The following KCTD1 variants were observed in gnomAD, a reference collection of about 807,000 sequenced individuals.
The protein encoded by KCTD1 is BTB/POZ domain-containing protein KCTD1.
Under a neutral mutation model 66.0 loss-of-function variants are expected in KCTD1, and 24 were observed. That is an observed-to-expected ratio of 0.36 (90% CI 0.26 to 0.51). The LOEUF (loss-of-function observed/expected upper bound fraction) is 0.51. KCTD1 is among the 20% of genes least tolerant of loss of function. KCTD1 has a pLI of 0.95. For missense variants in KCTD1, 943 were observed against 1,205.2 expected, an observed-to-expected ratio of 0.78 and a Z score of 3.22; for synonymous variants, 511 against 517.2, an observed-to-expected ratio of 0.99 and a Z score of 0.16.
At chr18:26,608,240 T>C (rs573698) in intron 1 of KCTD1, among the ~76,000 whole-genome samples, 86,636 of 152,034 alleles carry the variant, frequency 0.57, 25,089 homozygotes, top group African/African-American at 0.68. Flanking sequence ...CTATTGTCAG[T>C]TTCCTTACAC....
At chr18:26,571,776 A>C (rs1986112907) in intron 1 of KCTD1, among the ~76,000 whole-genome samples, 1 of 152,170 alleles carries the variant, frequency 6.6e-6, no homozygotes, top group Admixed American at 6.5e-5. Flanking sequence ...ACTGGCATTC[A>C]TAGTGTAACC....
chr18:26,501,054 T>C lies in KCTD1; in HGVS notation c.1988+18A>G, dbSNP rs1982734658. Reference sequence around the variant, plus strand: ...ATACATGCACGTCGGAGTCTGATTTTTCAGTTTTTCAGATTACCTGGATTC... The same window carrying C: ...ATACATGCACGTCGGAGTCTGATTTCTCAGTTTTTCAGATTACCTGGATTC... On this transcript the variant is annotated intron_variant, in intron 2 of 4. Transcript: ENST00000580059. The C allele has an allele frequency of 6.2e-7, 1 of 1,609,404 alleles. No individual in the cohort carries two copies. The highest frequency in any genetic ancestry group is 1.7e-5 in the Admixed American group (1 of 59,812).
chr18:26,525,005 A>C (rs1373887684), intron 1 of KCTD1, among the ~76,000 whole-genome samples: 1 of 152,182 alleles, frequency 6.6e-6, no homozygotes, highest in Non-Finnish European at 1.5e-5. Flanking sequence ...AAGAATGCTG[A>C]ATATCAAAAA....
chr18:26,603,942 A>T (rs1209516388), intron 1 of KCTD1, among the ~76,000 whole-genome samples: 1 of 152,056 alleles, frequency 6.6e-6, no homozygotes, highest in Non-Finnish European at 1.5e-5. Flanking sequence ...TGCACACAGA[A>T]AAAAGAAAGC....
At chr18:26,573,448 G>T (rs1168115652) in intron 1 of KCTD1, among the ~76,000 whole-genome samples, 1 of 152,154 alleles carries the variant, frequency 6.6e-6, no homozygotes, top group Non-Finnish European at 1.5e-5. Context: ...AAATCGTGAT[G>T]CTGCCCTACT....
intron 3 of KCTD1, among the ~76,000 whole-genome samples, chr18:26,461,640 T>C (rs898232548): frequency 1.3e-5 from 2 of 152,220 alleles, no homozygotes; most frequent in Admixed American, 1.3e-4. Context: ...CTCTGGGGCT[T>C]TGTCATCTTG....
intron 2 of KCTD1, among the ~76,000 whole-genome samples, chr18:26,491,168 C>T (rs148670557): frequency 6.3e-4 from 96 of 152,168 alleles, no homozygotes; most frequent in African/African-American, 2.0e-3. Context: ...CCTTGAGTGT[C>T]GCACTGGTTG....
At chr18:26,579,511 G>A (rs527400144) in intron 1 of KCTD1, among the ~76,000 whole-genome samples, 5 of 152,054 alleles carry the variant, frequency 3.3e-5, no homozygotes, top group Non-Finnish European at 7.4e-5. Flanking sequence ...TAAAGTTAGG[G>A]TTTTCTGTAC....
chr18:26,632,102 C>A (rs1400939875), upstream of KCTD1, among the ~76,000 whole-genome samples: 1 of 145,564 alleles, frequency 6.9e-6, no homozygotes, highest in Non-Finnish European at 1.5e-5. Flanking sequence ...AATCAACATA[C>A]AGGCCGGTGC....
At chr18:26,599,431 G>A in intron 1 of KCTD1, 1 of 1,611,924 alleles carries the variant, frequency 6.2e-7, no homozygotes, top group East Asian at 2.2e-5. Flanking sequence ...ATCTCTGCTG[G>A]CCAGTTTGTG....
intron 1 of KCTD1, among the ~76,000 whole-genome samples, chr18:26,505,042 T>A (rs1982960937): frequency 6.6e-6 from 1 of 152,226 alleles, no homozygotes; most frequent in Non-Finnish European, 1.5e-5. Flanking sequence ...ACCTCTAGAT[T>A]TCCTGTGACT....
chr18:26,476,783 G>T lies in KCTD1; in HGVS notation c.1989-124C>A. 1.3e-6 allele frequency: 1 copy of T among 776,626 alleles called. No individual in the cohort carries two copies. 48.1% of individuals were successfully genotyped at this position (776,626 alleles called of 1,614,324 possible). On this transcript the variant is annotated intron_variant, in intron 2 of 4. Coordinates refer to ENST00000580059, the MANE Select transcript of KCTD1 (RefSeq NM_001142730.3). The surrounding 1 kb of genome is among the most constrained non-coding windows in gnomAD (Gnocchi z 4.9). ...GAAGATGGCAGTAGGGAAAAATTAC[G>T]ATTGTCTGCAAAGTGTTGGTCCCCG...
At chr18:26,534,788 T>C (rs928662305) in intron 1 of KCTD1, among the ~76,000 whole-genome samples, 3 of 152,184 alleles carry the variant, frequency 2.0e-5, no homozygotes, top group East Asian at 1.9e-4. Flanking sequence ...CCAGAACCCA[T>C]AGAGATATGA....
Position 26,547,082 on chromosome 18 carries a change from G to A in KCTD1, c.1455C>T (p.Asn485=). ...APQGCYAEAL[N]GAARHHSHHP... ...GGTGGGAGTGGTGCCGTGCCGCCCC[G>A]TTCAGAGCCTCGGCGTAGCAGCCCT... Residue 485 remains asparagine, a synonymous_variant, in exon 1 of 5, where the codon AAC becomes AAT. Coordinates refer to ENST00000580059, the MANE Select transcript of KCTD1 (RefSeq NM_001142730.3). 6.5e-7 allele frequency: 1 copy of A among 1,541,986 alleles called. No individual in the cohort carries two copies. The highest frequency in any genetic ancestry group is 2.4e-5 in the East Asian group (1 of 40,848).
intron 1 of KCTD1, among the ~76,000 whole-genome samples, chr18:26,578,256 A>G (rs570700545): frequency 3.9e-5 from 6 of 151,922 alleles, no homozygotes; most frequent in South Asian, 4.2e-4. Context: ...AGTAATATCA[A>G]TGTCCTTCTA....
intron 1 of KCTD1, among the ~76,000 whole-genome samples, chr18:26,620,381 AAAAACT>A (rs2145014673): frequency 8.8e-6 from 1 of 113,542 alleles, no homozygotes; most frequent in Admixed American, 1.1e-4. Context: ...AAAAAAAAAA[AAAAACT>A]ATAACAAGTT....
Position 26,627,583 on chromosome 18 carries a change from C to T in KCTD1, c.-16+1564G>A, listed in dbSNP as rs113392873. On this transcript the variant is annotated intron_variant, in intron 1 of 4. Coordinates refer to the KCTD1 transcript ENST00000317932. ...AAATTCTCTTTTTGGAACCTGGGTC[C>T]TCTAAGGAAATGCTCTGTTGTAATG... is the stretch of plus-strand genomic sequence containing the variant. 7.8e-3 allele frequency among the ~76,000 whole-genome samples: 1,188 copies of T among 152,230 alleles called. 20 individuals are homozygous for T. Among genetic ancestry groups the T allele is most frequent in the African/African-American group, 0.027 (1,128 of 41,512 alleles).
chr18:26,598,916 A>G (rs985299297), intron 1 of KCTD1, among the ~76,000 whole-genome samples: 1 of 152,186 alleles, frequency 6.6e-6, no homozygotes, highest in African/African-American at 2.4e-5. Flanking sequence ...ATTATGATTT[A>G]TAAACATTTT....
chr18:26,633,508 T>C (rs73405397), upstream of KCTD1, among the ~76,000 whole-genome samples: 288 of 152,250 alleles, frequency 1.9e-3, no homozygotes, highest in African/African-American at 6.1e-3. Flanking sequence ...TTATTATTTG[T>C]CAATTAAACA....
Sources: allele counts gnomAD v4.1 joint callset (sites outside exome capture counted in the v4.1 genomes callset), GRCh38; gene constraint gnomAD v4.1.1; non-coding constraint Gnocchi (gnomAD v3.1); transcripts MANE v1.5; gene names NCBI Gene and HGNC (gene_info 2026-07-23, HGNC 2026-07-21).